Variants in ZEB2 observed in about 807,000 individuals in gnomAD.
ZEB2 encodes zinc finger E-box binding homeobox 2, also known as zinc finger E-box-binding homeobox 2.
A neutral mutation model predicts 99.9 loss-of-function variants in ZEB2; 6 were observed. The ratio of observed to expected loss-of-function variants is 0.06; its 90% CI spans 0.03 to 0.12. The LOEUF (loss-of-function observed/expected upper bound fraction) is 0.12, where lower values mean the gene tolerates loss of function less well. ZEB2 is among the 10% of genes least tolerant of loss of function. The pLI is 1.00. For missense variants in ZEB2, 969 were observed against 1,502.8 expected (o/e 0.64, Z 5.87); for synonymous variants, 517 against 542.5 (o/e 0.95, Z 0.65).
chr2:144,480,182 T>C (rs897101914), intron 2 of ZEB2, among the ~76,000 whole-genome samples: 1 of 152,172 alleles, frequency 6.6e-6, no homozygotes, highest in African/African-American at 2.4e-5. Context: ...AGTGATATTA[T>C]GGCTCCCCAT....
chr2:144,396,633 T>C (rs1356591722), intron 8 of ZEB2, 41 bp from the exon 9 acceptor site: 14 of 1,599,648 alleles, frequency 8.8e-6, no homozygotes, highest in East Asian at 2.2e-5. Flanking sequence ...GGCTTCTCTT[T>C]GTGCTCACAC....
At chr2:144,402,608 G>T (rs1342536357) in intron 6 of ZEB2, among the ~76,000 whole-genome samples, 1 of 152,196 alleles carries the variant, frequency 6.6e-6, no homozygotes. Context: ...ATGAGCAAAT[G>T]AGGGGACTTT....
chr2:144,443,834 G>A (rs1489707384), intron 2 of ZEB2, among the ~76,000 whole-genome samples: 3 of 151,500 alleles, frequency 2.0e-5, no homozygotes, highest in Non-Finnish European at 4.4e-5. Flanking sequence ...TGTCCTGAAC[G>A]AAAGCAAGCT....
At chr2:144,465,486 T>C (rs966260546) in intron 2 of ZEB2, among the ~76,000 whole-genome samples, 4 of 152,166 alleles carry the variant, frequency 2.6e-5, no homozygotes, top group African/African-American at 7.2e-5. Context: ...TTTTGCCAAA[T>C]AGGGCAATAA....
At chr2:144,395,948 C>G (rs574611642) in intron 9 of ZEB2, among the ~76,000 whole-genome samples, 5 of 147,918 alleles carry the variant, frequency 3.4e-5, no homozygotes, top group Non-Finnish European at 6.0e-5. Context: ...CAAAATGTGG[C>G]GAATTTAAAA....
At chr2:144,463,852 AC>A (rs1327107086) in intron 2 of ZEB2, 4 of 151,908 alleles carry the variant, frequency 2.6e-5, no homozygotes, top group Non-Finnish European at 2.9e-5. Flanking sequence ...AAAACAAAAA[AC>A]AAAAAACAAA....
At chr2:144,472,367 T>A (rs557922154) in intron 2 of ZEB2, among the ~76,000 whole-genome samples, 1 of 152,256 alleles carries the variant, frequency 6.6e-6, no homozygotes, top group East Asian at 1.9e-4. Context: ...TAGAACCAGA[T>A]TTTTAAAACC....
rs1553968398 is a variant in ZEB2 at position 144,483,150 on chromosome 2, A to ACACACATGCG, written c.73+34127_73+34128insCGCATGTGTG. On this transcript the variant is annotated intron_variant, in intron 2 of 9. Transcript: ENST00000627532. ...CACACACACACACACACACACACACACACACACACACACATACCCTAAGAC... is the reference window on the plus strand; with the variant it reads ...CACACACACACACACACACACACACACACACATGCGCACACACACACACATACCCTAAGAC... Among the ~76,000 whole-genome samples, 584 of 149,656 alleles carry ACACACATGCG rather than the reference A, an allele frequency of 3.9e-3. 2 individuals carry two copies. The highest frequency in any genetic ancestry group is 0.012 in the African/African-American group (476 of 40,954).
chr2:144,450,681 T>G (rs1704043966), intron 2 of ZEB2, among the ~76,000 whole-genome samples: 1 of 152,114 alleles, frequency 6.6e-6, no homozygotes, highest in Non-Finnish European at 1.5e-5. Context: ...TTTTTTTGTT[T>G]TGTTTTGTTT....
chr2:144,405,404 T>C (rs1366985592), intron 4 of ZEB2: 1 of 224,336 alleles, frequency 4.5e-6, no homozygotes, highest in Non-Finnish European at 8.9e-6. Context: ...TAATAGTCTA[T>C]CTGAAATTTC....
At chr2:144,439,662 C>T (rs2149895067) in intron 2 of ZEB2, among the ~76,000 whole-genome samples, 1 of 152,308 alleles carries the variant, frequency 6.6e-6, no homozygotes, top group South Asian at 2.1e-4. Context: ...TCTAGCTCTG[C>T]ACAAGCTGCT....
chr2:144,476,164 G>A (rs1235210867), intron 2 of ZEB2, among the ~76,000 whole-genome samples: 1 of 148,208 alleles, frequency 6.7e-6, no homozygotes, highest in African/African-American at 2.5e-5. Flanking sequence ...TTTTTTTCTT[G>A]CGAAATTTAA....
intron 2 of ZEB2, chr2:144,495,577 T>C (rs1573800518): frequency 6.6e-6 from 1 of 152,382 alleles, no homozygotes; most frequent in Admixed American, 6.5e-5. Flanking sequence ...ACGCCTAGAC[T>C]GTGGCTATAG....
chr2:144,400,386 CA>C, intron 7 of ZEB2, 116 bp from the exon 8 acceptor site: 1 of 1,089,972 alleles, frequency 9.2e-7, no homozygotes, highest in South Asian at 1.4e-5. Flanking sequence ...GGTACCTCTA[CA>C]TTCTAGGTAC....
In ZEB2 at chr2:144,446,370, ATCCT is replaced by A. The variant is rs137960912; in HGVS notation, c.74-16348_74-16345del. On this transcript the variant is annotated intron_variant, in intron 2 of 9. Transcript: ENST00000627532. ...CCTCCCTTCCTTGCTTCCTCCCTCT[ATCCT>A]TCCTTCCTTCTTTCCTTCCTTCCCT... 5.6e-4 allele frequency among the ~76,000 whole-genome samples: 80 copies of A among 142,480 alleles called. No individual in the cohort carries two copies. In the East Asian group the frequency reaches 0.015, roughly 27 times the overall value. 93.5% of individuals were successfully genotyped at this position (142,480 alleles called of 152,430 possible).
intron 9 of ZEB2, among the ~76,000 whole-genome samples, chr2:144,391,249 T>C (rs960346471): frequency 6.6e-6 from 1 of 152,358 alleles, no homozygotes; most frequent in Non-Finnish European, 1.5e-5. Context: ...CGGAAAGTGC[T>C]GTAGACTGCT....
Position 144,398,481 on chromosome 2 carries a change from G to A in ZEB2, c.2706C>T (p.Ser902=), listed in dbSNP as rs754727621. Residue 902 remains serine, a synonymous_variant, in exon 8 of 10, where the codon AGC becomes AGT. Coordinates refer to ENST00000627532, the MANE Select transcript of ZEB2 (RefSeq NM_014795.4). ...GCATGAAAGTAGCAGGGGGAAATGC[G>A]CTTTGAGGTGGAAGAGCTGTGTATA... ...KPLYTALPPQ[S]AFPPATFMPP... 5 of 1,613,958 alleles carry A rather than the reference G, an allele frequency of 3.1e-6. No homozygotes were observed. The highest frequency in any genetic ancestry group is 1.7e-5 in the Admixed American group (1 of 60,008).
At chr2:144,489,622 G>A (rs956420506) in intron 2 of ZEB2, among the ~76,000 whole-genome samples, 2 of 152,166 alleles carry the variant, frequency 1.3e-5, no homozygotes, top group East Asian at 1.9e-4. Flanking sequence ...AGTGAGCTGC[G>A]GATGTTGGAA....
At chr2:144,440,329 C>G (rs1703888814) in intron 2 of ZEB2, among the ~76,000 whole-genome samples, 1 of 151,882 alleles carries the variant, frequency 6.6e-6, no homozygotes, top group Admixed American at 6.6e-5. Flanking sequence ...ATTGAAACTG[C>G]TTTATCCTCA....
Sources: gnomAD v4.1 joint callset for allele counts (sites outside exome capture counted in the v4.1 genomes callset) on GRCh38, gnomAD v4.1.1 for gene constraint, MANE v1.5 for transcripts, NCBI Gene and HGNC (gene_info 2026-07-23, HGNC 2026-07-21) for gene names.